NTN1: variants seen among roughly 807,000 people sequenced by gnomAD.
NTN1 encodes the protein netrin-1.
A neutral mutation model predicts 54.2 loss-of-function variants in NTN1; 11 were observed. That is an observed-to-expected ratio of 0.20 (90% CI 0.13 to 0.34). The LOEUF (loss-of-function observed/expected upper bound fraction) is 0.34. Among genes scored for constraint, NTN1 ranks in the 10% least tolerant of loss-of-function variants. NTN1 has a pLI of 1.00. For synonymous variants in NTN1, 371 were observed against 382.0 expected (o/e 0.97, Z 0.33); for missense variants, 740 against 893.1 (o/e 0.83, Z 2.18).
chr17:9,226,201 C>T (rs1905541500), intron 6 of NTN1, among the ~76,000 whole-genome samples: 1 of 151,568 alleles, frequency 6.6e-6, no homozygotes, highest in Non-Finnish European at 1.5e-5. Context: ...CCATGCCACT[C>T]ATATCGGAGG....
chr17:9,017,801 C>T (rs931750095), upstream of NTN1, among the ~76,000 whole-genome samples: 3 of 152,226 alleles, frequency 2.0e-5, no homozygotes, highest in Non-Finnish European at 2.9e-5. Context: ...TCTCACGACA[C>T]TTGGACATCT....
chr17:9,039,303 A>C (rs1475434469), intron 2 of NTN1, among the ~76,000 whole-genome samples: 2 of 152,210 alleles, frequency 1.3e-5, no homozygotes, highest in African/African-American at 4.8e-5. Context: ...GTAATTTGAC[A>C]GCAGTGTTGT....
rs1415643317 is a variant in NTN1, at chr17:9,239,909, G to A, written c.1756G>A (p.Ala586Thr). 1 of 1,606,002 alleles carries A rather than the reference G, an allele frequency of 6.2e-7. No homozygotes were observed. The highest frequency in any genetic ancestry group is 8.5e-7 in the Non-Finnish European group (1 of 1,177,114). Residue 586 changes from alanine to threonine, a missense_variant, in exon 7 of 7, where the codon GCG becomes ACG. Ala to Thr is a moderately conservative substitution (Grantham distance 58). Coordinates refer to ENST00000173229, the MANE Select transcript of NTN1 (RefSeq NM_004822.3). This position sits in a 1 kb window ranked among gnomAD's most constrained non-coding sequence, Gnocchi z 5.2. ...SLVIQWRDTWARRLRKFQQRE... is the reference protein window; with the variant it reads ...SLVIQWRDTWTRRLRKFQQRE... ...GGTGATCCAGTGGCGGGACACGTGG[G>A]CGCGGCGGCTGCGCAAGTTCCAGCA... is the stretch of plus-strand genomic sequence containing the variant.
At chr17:9,041,159 C>A (rs1001136875) in intron 2 of NTN1, among the ~76,000 whole-genome samples, 5 of 152,098 alleles carry the variant, frequency 3.3e-5, no homozygotes, top group African/African-American at 1.2e-4. Context: ...TATCATTTTT[C>A]TGCTTTGACT....
intron 6 of NTN1, among the ~76,000 whole-genome samples, chr17:9,233,334 G>A (rs987697004): frequency 1.3e-5 from 2 of 152,068 alleles, no homozygotes; most frequent in African/African-American, 4.8e-5. Flanking sequence ...GCCCTGTGTC[G>A]GTTCCCAACA....
At chr17:9,040,040 G>A (rs1049413395) in intron 2 of NTN1, among the ~76,000 whole-genome samples, 9 of 151,806 alleles carry the variant, frequency 5.9e-5, no homozygotes, top group African/African-American at 2.2e-4. Flanking sequence ...GTAGGTGTAG[G>A]TCTAACTTTT....
intron 2 of NTN1, among the ~76,000 whole-genome samples, chr17:9,086,882 A>T (rs954293004): frequency 6.6e-6 from 1 of 151,918 alleles, no homozygotes; most frequent in Non-Finnish European, 1.5e-5. Flanking sequence ...CTCCTTCTCA[A>T]TATCACCATC....
chr17:9,177,586 C>T (rs1049420301), intron 3 of NTN1: 4 of 152,218 alleles, frequency 2.6e-5, no homozygotes, highest in African/African-American at 2.4e-5. Context: ...GGAGGTCAGC[C>T]GGCCTGAGGC....
At chr17:9,199,722 C>T (rs1050914448) in intron 5 of NTN1, among the ~76,000 whole-genome samples, 3 of 152,246 alleles carry the variant, frequency 2.0e-5, no homozygotes, top group African/African-American at 7.2e-5. Flanking sequence ...ACAAGGGGGT[C>T]GCTGGGTAAT....
At chr17:9,217,526 T>C (rs1445605282) in intron 5 of NTN1, among the ~76,000 whole-genome samples, 1 of 152,220 alleles carries the variant, frequency 6.6e-6, no homozygotes, top group African/African-American at 2.4e-5. Flanking sequence ...TCTGTAGCTT[T>C]GTGTGTACCA....
chr17:9,228,331 C>T (rs1198957279), intron 6 of NTN1, among the ~76,000 whole-genome samples: 1 of 152,166 alleles, frequency 6.6e-6, no homozygotes, highest in African/African-American at 2.4e-5. Context: ...CACGAGGAAA[C>T]GGGAGAAGAG....
chr17:9,180,782 C>T lies in NTN1; in HGVS notation c.1357+826C>T, dbSNP rs544287177. Among the ~76,000 whole-genome samples the T allele has an allele frequency of 6.6e-5, 10 of 152,180 alleles. No individual in the cohort carries two copies. The South Asian group carries it at 1.2e-3, about 19-fold the overall frequency. ...TTCCGTACAGCTGTTCGCAGGGGCT[C>T]GCTAATAGCAAATGACCAGGGTCCA... On this transcript the variant is annotated intron_variant, in intron 4 of 6. Transcript: ENST00000173229.
At chr17:9,203,481 TG>T (rs1295007359) in intron 5 of NTN1, among the ~76,000 whole-genome samples, 7 of 152,174 alleles carry the variant, frequency 4.6e-5, no homozygotes, top group African/African-American at 1.7e-4. Flanking sequence ...AGGAAATGGC[TG>T]GTCTCTTCAA....
At chr17:9,052,067 G>C (rs1353293437) in intron 2 of NTN1, among the ~76,000 whole-genome samples, 1 of 152,012 alleles carries the variant, frequency 6.6e-6, no homozygotes, top group Non-Finnish European at 1.5e-5. Context: ...CTGCCTTCTG[G>C]GTTCAAGCGA....
chr17:9,123,510 G>A (rs2092237297), intron 2 of NTN1, among the ~76,000 whole-genome samples: 1 of 152,206 alleles, frequency 6.6e-6, no homozygotes, highest in Non-Finnish European at 1.5e-5. Context: ...GTATTTTACA[G>A]TTTTTACTTT....
intron 2 of NTN1, among the ~76,000 whole-genome samples, chr17:9,115,029 G>T (rs2092206136): frequency 6.6e-6 from 1 of 152,264 alleles, no homozygotes; most frequent in Admixed American, 6.5e-5. Flanking sequence ...TGAGTGGTAG[G>T]CTTGGAAGAT....
intron 2 of NTN1, among the ~76,000 whole-genome samples, chr17:9,096,724 T>C (rs536612731): frequency 6.6e-6 from 1 of 152,308 alleles, no homozygotes; most frequent in South Asian, 2.1e-4. Context: ...CTGCCATTCA[T>C]TCTCTTTTCT....
chr17:9,104,704 C>T lies in NTN1; in HGVS notation c.1019-58109C>T, dbSNP rs1451526191. Among the ~76,000 whole-genome samples, 5 of 152,248 alleles carry T rather than the reference C, an allele frequency of 3.3e-5. No homozygotes were observed. In the South Asian group the frequency reaches 6.2e-4, roughly 19 times the overall value. On this transcript the variant is annotated intron_variant, in intron 2 of 6. Coordinates refer to ENST00000173229, the MANE Select transcript of NTN1 (RefSeq NM_004822.3). ...GCACGTCAAAGCTGAATGTCCAACA[C>T]CATGACACCCTGGTCTGGCCTTTTT... is the stretch of plus-strand genomic sequence containing the variant.
At position 9,240,811 on chromosome 17, in the gene NTN1, C is replaced by G. The variant is rs754523914; in HGVS notation, c.*843C>G. 1 of 152,320 alleles carries G rather than the reference C, an allele frequency of 6.6e-6. No homozygotes were observed. Among genetic ancestry groups the G allele is most frequent in the Non-Finnish European group, 1.5e-5 (1 of 68,124 alleles). The allele number at this position is 152,320 out of a possible 1,614,324, so 9.4% of individuals were successfully genotyped here. The stretch of plus-strand genomic sequence containing the variant: ...GGCCCAGGGACACCCCTGAGAAGCC[C>G]AAGCCGGGTGGTCACCGCCTCATGC... On this transcript the variant is annotated 3_prime_UTR_variant, in exon 7 of 7. Transcript: ENST00000173229.
Sources: allele counts gnomAD v4.1 joint callset (sites outside exome capture counted in the v4.1 genomes callset), GRCh38; gene constraint gnomAD v4.1.1; non-coding constraint Gnocchi (gnomAD v3.1); transcripts MANE v1.5; gene names NCBI Gene and HGNC (gene_info 2026-07-23, HGNC 2026-07-21).